Variants in RASGEF1A observed in about 807,000 individuals in gnomAD.
The protein encoded by RASGEF1A is RasGEF domain family member 1A.
In RASGEF1A, 18 loss-of-function variants were observed where a neutral mutation model predicts 56.4. That is an observed-to-expected ratio of 0.32 (90% CI 0.22 to 0.47). The LOEUF is 0.47. Ranked by LOEUF, RASGEF1A falls within the 20% of genes least tolerant of loss-of-function variation. The pLI, the probability that RASGEF1A is intolerant of heterozygous loss-of-function variation, is 1.00. For synonymous variants in RASGEF1A, 245 were observed against 242.6 expected, an observed-to-expected ratio of 1.01 and a Z score of -0.09; for missense variants, 422 against 627.1, an observed-to-expected ratio of 0.67 and a Z score of 3.49.
chr10:43,217,775 T>G (rs1840157310), intron 1 of RASGEF1A, among the ~76,000 whole-genome samples: 1 of 152,214 alleles, frequency 6.6e-6, no homozygotes, highest in African/African-American at 2.4e-5. Flanking sequence ...CCGGGCTGCA[T>G]CCACCTCCTA....
At chr10:43,238,296 G>C (rs1364348188) in intron 1 of RASGEF1A, among the ~76,000 whole-genome samples, 1 of 152,236 alleles carries the variant, frequency 6.6e-6, no homozygotes, top group Middle Eastern at 3.4e-3. Flanking sequence ...TTGTATCGCA[G>C]ATTGAGACCT....
intron 1 of RASGEF1A, among the ~76,000 whole-genome samples, chr10:43,261,450 C>T (rs1481873800): frequency 6.6e-6 from 1 of 152,228 alleles, no homozygotes; most frequent in Non-Finnish European, 1.5e-5. Flanking sequence ...CAGGTGCCAC[C>T]AATGCTCACC....
chr10:43,237,953 C>T (rs1278373570), intron 1 of RASGEF1A, among the ~76,000 whole-genome samples: 2 of 152,206 alleles, frequency 1.3e-5, no homozygotes, highest in Admixed American at 6.5e-5. Context: ...TACCTGTGGG[C>T]GGGGATCTGG....
At chr10:43,235,351 A>G (rs971769401) in intron 1 of RASGEF1A, among the ~76,000 whole-genome samples, 1 of 152,208 alleles carries the variant, frequency 6.6e-6, no homozygotes, top group East Asian at 1.9e-4. Flanking sequence ...TGGTGTATTT[A>G]GCCCTTCCAC....
Position 43,203,367 on chromosome 10 carries a change from A to T in RASGEF1A, c.252T>A (p.His84Gln). The stretch of plus-strand genomic sequence containing the variant: ...TCTGCCCCACGCGGGCCAGCAGGTC[A>T]TGAGGGGGCATAAAGACCCGGGAGC... ...LLSSRVFMPP[H>Q]DLLARVGQIC... The change falls in exon 3 of 13, where the codon CAT becomes CAA. Residue 84 changes from histidine to glutamine, a missense_variant. By Grantham distance (24) the His-to-Gln change is conservative. Transcript: ENST00000395810. The T allele has an allele frequency of 1.3e-6, 2 of 1,588,274 alleles. No individual in the cohort carries two copies. The highest frequency in any genetic ancestry group is 1.7e-6 in the Non-Finnish European group (2 of 1,167,614).
chr10:43,259,209 G>A (rs1836483536), intron 1 of RASGEF1A, among the ~76,000 whole-genome samples: 1 of 152,240 alleles, frequency 6.6e-6, no homozygotes, highest in African/African-American at 2.4e-5. Flanking sequence ...GCAGTGCTGT[G>A]GGATGCAGGA....
rs1051880077 is a variant in RASGEF1A at position 43,196,064 on chromosome 10, C to CA, written c.*179dup. ...GCCCTGCCCTGTTATTTAAAATAAA[C>CA]AAAAAAAACTTTGTAAGTGCCAAAG... On this transcript the variant is annotated 3_prime_UTR_variant, in exon 13 of 13. Coordinates refer to ENST00000395810, the MANE Select transcript of RASGEF1A (RefSeq NM_145313.4). The surrounding 1 kb of genome is among the most constrained non-coding windows in gnomAD (Gnocchi z 4.6). 1.1e-4 allele frequency: 61 copies of CA among 545,166 alleles called. No individual in the cohort carries two copies. The highest frequency in any genetic ancestry group is 3.6e-4 in the African/African-American group (19 of 52,744). 33.8% of individuals were successfully genotyped at this position (545,166 alleles called of 1,614,324 possible).
intron 4 of RASGEF1A, 61 bp from the exon 5 acceptor site, chr10:43,200,949 T>A (rs924465837): frequency 9.5e-6 from 14 of 1,474,688 alleles, no homozygotes; most frequent in Admixed American, 1.7e-5. Context: ...ACCACCACTG[T>A]GGGTAGGATC....
chr10:43,234,075 G>A (rs146980250), intron 1 of RASGEF1A, among the ~76,000 whole-genome samples: 1 of 152,224 alleles, frequency 6.6e-6, no homozygotes, highest in African/African-American at 2.4e-5. Flanking sequence ...TGCTGCCCTG[G>A]GGAAGGGGCT....
At chr10:43,231,380 T>C (rs1840365364) in intron 1 of RASGEF1A, among the ~76,000 whole-genome samples, 1 of 152,206 alleles carries the variant, frequency 6.6e-6, no homozygotes, top group African/African-American at 2.4e-5. Flanking sequence ...CTGCAGAACA[T>C]CTGGGCCCTG....
At chr10:43,197,227 T>A (rs1839812796) in intron 10 of RASGEF1A, 128 bp from the exon 11 acceptor site, 1 of 1,121,924 alleles carries the variant, frequency 8.9e-7, no homozygotes, top group Non-Finnish European at 1.3e-6. Context: ...GATGGGACAG[T>A]GGCCCTGCAC....
At position 43,196,005 on chromosome 10, in the gene RASGEF1A, C is replaced by T. The variant is rs936484431; in HGVS notation, c.*239G>A. 5 of 388,572 alleles carry T rather than the reference C, an allele frequency of 1.3e-5. No homozygotes were observed. The highest frequency in any genetic ancestry group is 2.3e-5 in the Non-Finnish European group (5 of 217,478). The allele number at this position is 388,572 out of a possible 1,614,324, so 24.1% of individuals were successfully genotyped here. A position where few individuals can be genotyped will look rare whatever the true frequency, so the allele number is the denominator to read the frequency against. On this transcript the variant is annotated 3_prime_UTR_variant, in exon 13 of 13. Coordinates refer to ENST00000395810, the MANE Select transcript of RASGEF1A (RefSeq NM_145313.4). This position sits in a 1 kb window ranked among gnomAD's most constrained non-coding sequence, Gnocchi z 4.6. ...AGATGTTATCATGGATACCATCTCC[C>T]ATGATACTCTCCCCTCCCCCTCCCC...
chr10:43,247,110 T>C (rs1339456192), intron 1 of RASGEF1A, among the ~76,000 whole-genome samples: 3 of 152,254 alleles, frequency 2.0e-5, no homozygotes, highest in Non-Finnish European at 2.9e-5. Context: ...GCAAAGGCCC[T>C]CATGGACATT....
intron 1 of RASGEF1A, among the ~76,000 whole-genome samples, chr10:43,247,829 A>G (rs1167018076): frequency 6.6e-6 from 1 of 152,166 alleles, no homozygotes; most frequent in Non-Finnish European, 1.5e-5. Context: ...TGGGAGGCCT[A>G]GGCAGACAGA....
intron 1 of RASGEF1A, among the ~76,000 whole-genome samples, chr10:43,252,902 G>A (rs1033846363): frequency 2.0e-5 from 3 of 152,054 alleles, no homozygotes; most frequent in African/African-American, 7.3e-5. Flanking sequence ...CCTGCACCCT[G>A]GCACTCATCG....
intron 1 of RASGEF1A, chr10:43,209,314 T>A: frequency 1.5e-6 from 1 of 677,540 alleles, no homozygotes; most frequent in Non-Finnish European, 1.8e-6. Flanking sequence ...GAGGGGTGAG[T>A]ACCTGCCCCA....
chr10:43,207,300 A>G (rs975248219), intron 1 of RASGEF1A: 3 of 985,058 alleles, frequency 3.0e-6, no homozygotes, highest in Non-Finnish European at 3.6e-6. Flanking sequence ...TGTTGCCATG[A>G]TTACTTCAGT....
Position 43,198,007 on chromosome 10 carries a change from A to C in RASGEF1A, c.1221T>G (p.Phe407Leu). ...TNHLPNGHIN[F>L]KKFWEISRQI... ...CCCTGTGCTGGGATGAGCTCACCTT[A>C]AAGTTAATGTGCCCGTTGGGCAGGT... Residue 407 changes from phenylalanine (F) to leucine (L), a missense_variant, in exon 10 of 13, where the codon TTT (phenylalanine) becomes TTG (leucine). Physicochemically the swap from Phe to Leu is conservative, Grantham distance 22 (BLOSUM62 0). Transcript: ENST00000395810. 1 of 1,609,990 alleles carries C rather than the reference A, an allele frequency of 6.2e-7. No individual in the cohort carries two copies. The highest frequency in any genetic ancestry group is 8.5e-7 in the Non-Finnish European group (1 of 1,176,906).
chr10:43,223,815 T>C (rs1564535470), intron 1 of RASGEF1A, among the ~76,000 whole-genome samples: 1 of 151,902 alleles, frequency 6.6e-6, no homozygotes, highest in South Asian at 2.1e-4. Flanking sequence ...AACCTGTCTC[T>C]ATTTCTTTAA....
Sources: gnomAD v4.1 joint callset for allele counts (sites outside exome capture counted in the v4.1 genomes callset) on GRCh38, gnomAD v4.1.1 for gene constraint, Gnocchi (gnomAD v3.1) non-coding constraint, MANE v1.5 for transcripts, NCBI Gene and HGNC (gene_info 2026-07-23, HGNC 2026-07-21) for gene names.